The following POSTN variants were observed in gnomAD, a reference collection of about 807,000 sequenced individuals.
The protein encoded by POSTN is osteoblast specific factor 2 (fasciclin I-like).
In POSTN, 71 loss-of-function variants were observed where a neutral mutation model predicts 104.5. That is an observed-to-expected ratio of 0.68 (90% CI 0.56 to 0.83). The LOEUF is 0.83. Among genes scored for constraint, POSTN ranks in the 40% least tolerant of loss-of-function variants. The pLI is 0.00. For missense variants in POSTN, 949 were observed against 1,006.8 expected (o/e 0.94, Z 0.78); for synonymous variants, 355 against 340.7 (o/e 1.04, Z -0.46).
At chr13:37,588,383 A>C (rs1044406676) in intron 4 of POSTN, among the ~76,000 whole-genome samples, 1 of 152,204 alleles carries the variant, frequency 6.6e-6, no homozygotes, top group East Asian at 1.9e-4. Context: ...CAAGGGTTTC[A>C]TGTTTATTCC....
intron 16 of POSTN, 76 bp from the exon 17 acceptor site, chr13:37,574,728 T>A: frequency 6.9e-7 from 1 of 1,457,384 alleles, no homozygotes; most frequent in Non-Finnish European, 9.0e-7. Flanking sequence ...TTTTTCCTTT[T>A]CTTTTTTGTC....
rs1411163470 is a variant in POSTN, at chr13:37,562,858, C to T, written c.*475G>A. The T allele has an allele frequency of 1.3e-5, 2 of 152,224 alleles. No individual in the cohort carries two copies. The highest frequency in any genetic ancestry group is 2.9e-5 in the Non-Finnish European group (2 of 68,080). The allele number at this position is 152,224 out of a possible 1,614,324, so 9.4% of individuals were successfully genotyped here. A position where few individuals can be genotyped will look rare whatever the true frequency, so the allele number is the denominator to read the frequency against. ...GTAAACCCACTCATATAGAAATGTG[C>T]AAAGCCTTTTGATATAAAAAGTTTT... On this transcript the variant is annotated 3_prime_UTR_variant, in exon 23 of 23. Transcript: ENST00000379747.
rs17056144 is a variant in POSTN at position 37,594,365 on chromosome 13, A to G, written c.219-2201T>C. 7.9e-3 allele frequency among the ~76,000 whole-genome samples: 1,210 copies of G among 152,296 alleles called. 14 individuals carry two copies. Among genetic ancestry groups the G allele is most frequent in the African/African-American group, 0.027 (1,118 of 41,566 alleles). On this transcript the variant is annotated intron_variant, in intron 2 of 22. Transcript: ENST00000379747. ...AGAGAATTAATGCAGTAGATGAGAT[A>G]AAATTCCAGCAGTTCATTGTAATAT...
intron 4 of POSTN, among the ~76,000 whole-genome samples, chr13:37,588,875 T>C (rs1950839050): frequency 6.6e-6 from 1 of 152,144 alleles, no homozygotes; most frequent in Non-Finnish European, 1.5e-5. Context: ...TGGAATTTAA[T>C]GATTAGAACC....
chr13:37,577,939 A>G (rs1950462566), intron 15 of POSTN, 141 bp from the exon 16 acceptor site: 1 of 1,412,698 alleles, frequency 7.1e-7, no homozygotes, highest in East Asian at 2.6e-5. Context: ...CATATAAATC[A>G]TCTTCCAATT....
At chr13:37,581,597 C>T (rs187243744) in intron 10 of POSTN, among the ~76,000 whole-genome samples, 297 of 152,102 alleles carry the variant, frequency 2.0e-3, no homozygotes, top group Non-Finnish European at 3.3e-3. Flanking sequence ...ATGTTGTGCA[C>T]CTATAGTCCT....
chr13:37,577,121 T>C (rs1950432614), intron 16 of POSTN, among the ~76,000 whole-genome samples: 1 of 152,162 alleles, frequency 6.6e-6, no homozygotes, highest in Non-Finnish European at 1.5e-5. Flanking sequence ...GGAAAAGATA[T>C]ACTACTAGCT....
intron 16 of POSTN, among the ~76,000 whole-genome samples, chr13:37,575,655 C>T (rs1203756411): frequency 6.6e-6 from 1 of 152,094 alleles, no homozygotes; most frequent in Non-Finnish European, 1.5e-5. Context: ...ATCTAGATCA[C>T]ATCAAAGCAG....
intron 16 of POSTN, among the ~76,000 whole-genome samples, chr13:37,576,648 T>C (rs74046819): frequency 0.024 from 3,728 of 152,192 alleles, 147 homozygotes; most frequent in African/African-American, 0.083. Context: ...TGAAGAAAGA[T>C]GACATAACAT....
intron 19 of POSTN, among the ~76,000 whole-genome samples, chr13:37,570,324 A>G (rs780940468): frequency 7.9e-5 from 12 of 151,826 alleles, no homozygotes; most frequent in Admixed American, 1.3e-4. Flanking sequence ...TATCATATCA[A>G]TGGTATATCA....
intron 21 of POSTN, among the ~76,000 whole-genome samples, chr13:37,566,340 GT>G (rs1950099889): frequency 1.3e-5 from 2 of 152,068 alleles, no homozygotes; most frequent in Non-Finnish European, 2.9e-5. Context: ...TTATTTGCAT[GT>G]TTGTTTTTTG....
At position 37,579,345 on chromosome 13, in the gene POSTN, GA is replaced by G; in HGVS notation, c.1674del (p.Leu559PhefsTer9). The G allele has an allele frequency of 6.9e-6, 11 of 1,584,452 alleles. No homozygotes were observed. The highest frequency in any genetic ancestry group is 9.5e-6 in the Non-Finnish European group (11 of 1,153,988). On this transcript the variant is annotated frameshift_variant, in exon 13 of 23. Transcript: ENST00000379747. LOFTEE classifies it high-confidence loss of function. ...EKEILIRDKN[A>X]LQNIILYHLT... ...AGGTGATAAAGAATGATGTTTTGAA[GA>G]GCATTTTTGTCCCCTAGGGGAAAAT...
At chr13:37,585,550 A>G (rs1247918952) in intron 7 of POSTN, among the ~76,000 whole-genome samples, 1 of 152,196 alleles carries the variant, frequency 6.6e-6, no homozygotes, top group Non-Finnish European at 1.5e-5. Context: ...CCAAATAAAG[A>G]TGATTCATTG....
intron 21 of POSTN, 67 bp downstream of exon 21, chr13:37,569,233 G>T: frequency 3.5e-6 from 4 of 1,146,172 alleles, no homozygotes; most frequent in South Asian, 1.4e-5. Flanking sequence ...TGCTTGCTCA[G>T]TCTTTAAAAA....
chr13:37,592,822 A>C (rs1950979094), intron 2 of POSTN, among the ~76,000 whole-genome samples: 1 of 152,170 alleles, frequency 6.6e-6, no homozygotes, highest in Non-Finnish European at 1.5e-5. Flanking sequence ...GTAATTGTGA[A>C]TCTCAAATGA....
At chr13:37,586,445 C>T (rs1242733781) in intron 6 of POSTN, among the ~76,000 whole-genome samples, 165 bp from the exon 7 acceptor site, 1 of 152,124 alleles carries the variant, frequency 6.6e-6, no homozygotes, top group Non-Finnish European at 1.5e-5. Context: ...ATGTCTTTTC[C>T]AACTTTCTTC....
intron 17 of POSTN, 71 bp downstream of exon 17, chr13:37,574,501 C>T: frequency 6.7e-7 from 1 of 1,496,718 alleles, no homozygotes; most frequent in South Asian, 1.3e-5. Context: ...AATGTAGATA[C>T]ATTCATAGAG....
Position 37,570,982 on chromosome 13 carries a change from C to G in POSTN, c.2180-313G>C, listed in dbSNP as rs1950245345. 5 of 300,632 alleles carry G rather than the reference C, an allele frequency of 1.7e-5. No individual in the cohort carries two copies. In the South Asian group the frequency reaches 3.1e-4, roughly 19 times the overall value. The allele number at this position is 300,632 out of a possible 1,614,324, so 18.6% of individuals were successfully genotyped here. On this transcript the variant is annotated intron_variant, in intron 18 of 22. Transcript: ENST00000379747. ...GTTCTATATCATTGGAATGGGAGCC[C>G]TATCATAAATCCTAGTAGTGGAGTG...
At position 37,586,153 on chromosome 13, in the gene POSTN, T is replaced by G. The variant is rs1257253275; in HGVS notation, c.881A>C (p.Lys294Thr). 2 of 1,611,288 alleles carry G rather than the reference T, an allele frequency of 1.2e-6. No individual in the cohort carries two copies. The highest frequency in any genetic ancestry group is 3.3e-5 in the Admixed American group (2 of 59,720). ...RGVLERIMGDKVASEALMKYH... is the reference protein window; with the variant it reads ...RGVLERIMGDTVASEALMKYH... Reference sequence around the variant, plus strand: ...CATTAAACTACCTTCGGAAGCCACTTTGTCTCCCATGATCCTTTCTAGGAC... The same window carrying G: ...CATTAAACTACCTTCGGAAGCCACTGTGTCTCCCATGATCCTTTCTAGGAC... The change falls in exon 7 of 23, where the codon AAA becomes ACA. Residue 294 changes from lysine to threonine, a missense_variant. Coordinates refer to ENST00000379747, the MANE Select transcript of POSTN (RefSeq NM_006475.3).
Sources: allele counts gnomAD v4.1 joint callset (sites outside exome capture counted in the v4.1 genomes callset), GRCh38; gene constraint gnomAD v4.1.1; transcripts MANE v1.5; gene names NCBI Gene and HGNC (gene_info 2026-07-23, HGNC 2026-07-21).